Variants in GPC6 observed in about 807,000 individuals in gnomAD.
GPC6 encodes the protein glypican 6, also known as glypican-6.
A neutral mutation model predicts 55.2 loss-of-function variants in GPC6; 14 were observed. The ratio of observed to expected loss-of-function variants is 0.25; its 90% CI spans 0.17 to 0.40. The LOEUF (loss-of-function observed/expected upper bound fraction) is 0.40. Among genes scored for constraint, GPC6 ranks in the 10% least tolerant of loss-of-function variants. The pLI is 1.00. For missense variants in GPC6, 641 were observed against 708.5 expected (o/e 0.90, Z 1.08); for synonymous variants, 278 against 259.6 (o/e 1.07, Z -0.68).
chr13:93,657,543 A>C (rs1880729895), intron 2 of GPC6, among the ~76,000 whole-genome samples: 1 of 152,154 alleles, frequency 6.6e-6, no homozygotes, highest in African/African-American at 2.4e-5. Flanking sequence ...AGATCCTGGC[A>C]AAGATTTCAT....
intron 2 of GPC6, among the ~76,000 whole-genome samples, chr13:93,621,604 G>A (rs953087439): frequency 6.6e-5 from 10 of 151,870 alleles, no homozygotes; most frequent in Admixed American, 6.6e-5. Context: ...TTCAACTTTG[G>A]AAAAAACAAT....
In GPC6 at chr13:93,469,316, A is replaced by C. The variant is rs953877771; in HGVS notation, c.161-75947A>C. Among the ~76,000 whole-genome samples the C allele has an allele frequency of 4.6e-5, 7 of 152,268 alleles. 1 individual carries two copies. Among genetic ancestry groups the C allele is most frequent in the Admixed American group, 4.6e-4 (7 of 15,294 alleles). On this transcript the variant is annotated intron_variant, in intron 1 of 8. Coordinates refer to ENST00000377047, the MANE Select transcript of GPC6 (RefSeq NM_005708.5). ...GTCATTGTTGTTGCACAGGTCTATT[A>C]ATTTTAACACCTTTATAGATTTGGT...
intron 4 of GPC6, among the ~76,000 whole-genome samples, chr13:94,234,508 C>CTT (rs56709078): frequency 0.35 from 47,794 of 135,888 alleles, 8,755 homozygotes; most frequent in East Asian, 0.6. Flanking sequence ...CTTTTGTTTG[C>CTT]TTTTTTTTTT....
intron 2 of GPC6, chr13:93,818,782 T>A (rs532781244): frequency 6.6e-6 from 1 of 152,198 alleles, no homozygotes; most frequent in African/African-American, 2.4e-5. Flanking sequence ...ATACTGGCTG[T>A]CTACAGGGAG....
chr13:93,240,421 A>G (rs1876390751), intron 1 of GPC6, among the ~76,000 whole-genome samples: 1 of 151,670 alleles, frequency 6.6e-6, no homozygotes, highest in African/African-American at 2.4e-5. Flanking sequence ...ACTTTTGTTG[A>G]TTTAATGTCT....
intron 2 of GPC6, among the ~76,000 whole-genome samples, chr13:93,637,666 T>C (rs1022792054): frequency 6.6e-6 from 1 of 152,154 alleles, no homozygotes; most frequent in Non-Finnish European, 1.5e-5. Flanking sequence ...GGGAATCTTA[T>C]GTACAGTCAT....
chr13:94,162,699 T>G (rs980423803), intron 4 of GPC6, among the ~76,000 whole-genome samples: 6 of 152,170 alleles, frequency 3.9e-5, no homozygotes, highest in African/African-American at 1.2e-4. Flanking sequence ...ATTTAGGAAT[T>G]TGGGTCAAAT....
At chr13:93,507,493 A>T (rs1218890545) in intron 1 of GPC6, among the ~76,000 whole-genome samples, 1 of 152,212 alleles carries the variant, frequency 6.6e-6, no homozygotes, top group African/African-American at 2.4e-5. Flanking sequence ...TATTTATAGA[A>T]AAAGATCTAT....
intron 4 of GPC6, chr13:94,187,367 G>C (rs1393424760): frequency 6.6e-6 from 1 of 152,128 alleles, no homozygotes; most frequent in Non-Finnish European, 1.5e-5. Context: ...TCAAATTTAT[G>C]GTAAAGCTAA....
rs960950120 is a variant in GPC6 at position 94,377,503 on chromosome 13, C to A, written c.1153-4911C>A. On this transcript the variant is annotated intron_variant, in intron 6 of 8. Coordinates refer to ENST00000377047, the MANE Select transcript of GPC6 (RefSeq NM_005708.5). ...AATCAAAACCACAATGAGATACCAT[C>A]TCACAGCAGTTAGAATGGCAATCAT... Among the ~76,000 whole-genome samples the A allele has an allele frequency of 8.7e-5, 13 of 148,980 alleles. No homozygotes were observed. The South Asian group carries it at 8.9e-4, about 10-fold the overall frequency.
At chr13:93,615,511 C>T (rs922064258) in intron 2 of GPC6, among the ~76,000 whole-genome samples, 2 of 152,102 alleles carry the variant, frequency 1.3e-5, no homozygotes, top group African/African-American at 2.4e-5. Flanking sequence ...CTCCTTTGTC[C>T]TACCTATTCA....
chr13:93,617,569 C>T (rs117617218), intron 2 of GPC6, among the ~76,000 whole-genome samples: 130 of 152,180 alleles, frequency 8.5e-4, no homozygotes, highest in Non-Finnish European at 1.7e-3. Flanking sequence ...ACATGAAACT[C>T]TGTGCTCTGC....
chr13:94,054,595 G>T (rs988263527), intron 4 of GPC6, among the ~76,000 whole-genome samples: 3 of 152,114 alleles, frequency 2.0e-5, no homozygotes, highest in African/African-American at 7.2e-5. Context: ...GAGCCTCAAG[G>T]TCAGCCTTTC....
chr13:93,633,709 AATAG>A (rs71725104), intron 2 of GPC6, among the ~76,000 whole-genome samples: 36,696 of 151,820 alleles, frequency 0.24, 5,075 homozygotes, highest in East Asian at 0.32. Flanking sequence ...TAAATTTAAA[AATAG>A]ATAAAGCAAG....
intron 4 of GPC6, among the ~76,000 whole-genome samples, chr13:94,234,356 A>G (rs1447103826): frequency 2.0e-5 from 3 of 152,140 alleles, no homozygotes; most frequent in South Asian, 4.1e-4. Context: ...TAGGGTATCA[A>G]TAGGCACAAA....
chr13:94,232,792 C>T (rs16949639), intron 4 of GPC6, among the ~76,000 whole-genome samples: 20,291 of 151,858 alleles, frequency 0.13, 2,256 homozygotes, highest in African/African-American at 0.3. Context: ...TTATGTGTCT[C>T]GGATACCTGA....
At chr13:93,554,041 A>G (rs1245119446) in intron 2 of GPC6, among the ~76,000 whole-genome samples, 1 of 150,698 alleles carries the variant, frequency 6.6e-6, no homozygotes, top group East Asian at 2.0e-4. Context: ...CCAGCTACTC[A>G]GGAGGCTGAG....
chr13:94,121,882 TG>T (rs1355645624), intron 4 of GPC6, among the ~76,000 whole-genome samples: 1 of 152,142 alleles, frequency 6.6e-6, no homozygotes, highest in Non-Finnish European at 1.5e-5. Context: ...CTTGGGCTAC[TG>T]TGCTCCTCCT....
At chr13:94,015,781 G>A (rs1343927758) in intron 3 of GPC6, among the ~76,000 whole-genome samples, 1 of 152,108 alleles carries the variant, frequency 6.6e-6, no homozygotes, top group Non-Finnish European at 1.5e-5. Flanking sequence ...AATGGTCTTT[G>A]CACGCTTGTT....
Sources: gnomAD v4.1 joint callset for allele counts (sites outside exome capture counted in the v4.1 genomes callset) on GRCh38, gnomAD v4.1.1 for gene constraint, MANE v1.5 for transcripts, NCBI Gene and HGNC (gene_info 2026-07-23, HGNC 2026-07-21) for gene names.